The following CHN2 variants were observed in gnomAD, a reference collection of about 807,000 sequenced individuals.
CHN2 encodes the protein chimerin 2, also known as beta-chimaerin.
In CHN2, 35 loss-of-function variants were observed where a neutral mutation model predicts 56.3. The ratio of observed to expected loss-of-function variants is 0.62; its 90% confidence interval spans 0.47 to 0.82. CHN2 has a LOEUF of 0.82. CHN2 is among the 40% of genes least tolerant of loss of function. The probability of loss-of-function intolerance (pLI) is 0.00; values close to 1 mark genes in which losing one functional copy is unlikely to be tolerated. For missense variants in CHN2, 491 were observed against 580.5 expected (o/e 0.85, Z 1.58); for synonymous variants, 210 against 212.8 (o/e 0.99, Z 0.12).
chr7:29,293,857 ATTTTTTT>A (rs70980522), intron 1 of CHN2, among the ~76,000 whole-genome samples: 21 of 78,520 alleles, frequency 2.7e-4, no homozygotes, highest in Admixed American at 1.2e-3. Context: ...GAGGCTGGGA[ATTTTTTT>A]TTTTTTTTTT....
At chr7:29,212,467 C>T in intron 1 of CHN2, 3 of 1,593,230 alleles carry the variant, frequency 1.9e-6, no homozygotes, top group African/African-American at 1.3e-5. Flanking sequence ...CCTCTTCTTC[C>T]TCCATGGATC....
chr7:29,424,399 A>C (rs1371766580), intron 6 of CHN2, among the ~76,000 whole-genome samples: 8 of 152,066 alleles, frequency 5.3e-5, no homozygotes, highest in Non-Finnish European at 8.8e-5. Context: ...TTCAGCAGTG[A>C]TTTCAATATG....
intron 1 of CHN2, among the ~76,000 whole-genome samples, chr7:29,348,007 C>T (rs930351031): frequency 2.0e-5 from 3 of 151,952 alleles, no homozygotes; most frequent in African/African-American, 7.2e-5. Flanking sequence ...TTTTTTTTCC[C>T]CCTCAGGTTG....
At chr7:29,372,223 A>G (rs1474630436) in intron 3 of CHN2, among the ~76,000 whole-genome samples, 1 of 151,860 alleles carries the variant, frequency 6.6e-6, no homozygotes, top group Non-Finnish European at 1.5e-5. Flanking sequence ...AAAGAAAGAA[A>G]GAAAAAGAAA....
At chr7:29,481,756 A>AT (rs1169902797) in intron 7 of CHN2, among the ~76,000 whole-genome samples, 6 of 137,058 alleles carry the variant, frequency 4.4e-5, no homozygotes, top group East Asian at 4.3e-4. Context: ...GAAATCCTTG[A>AT]TTTTTTTGCA....
At chr7:29,344,304 CCTT>C (rs1248337184) in intron 1 of CHN2, among the ~76,000 whole-genome samples, 1 of 152,180 alleles carries the variant, frequency 6.6e-6, no homozygotes, top group Non-Finnish European at 1.5e-5. Flanking sequence ...CTGCAATGAT[CCTT>C]CTCAAATACA....
intron 7 of CHN2, among the ~76,000 whole-genome samples, chr7:29,486,531 C>T (rs1001443103): frequency 2.0e-5 from 3 of 152,064 alleles, no homozygotes; most frequent in Non-Finnish European, 4.4e-5. Flanking sequence ...TCCATGGGAG[C>T]GGGCGGGTAA....
intron 1 of CHN2, among the ~76,000 whole-genome samples, chr7:29,250,311 T>G (rs986031856): frequency 6.6e-6 from 1 of 152,238 alleles, no homozygotes; most frequent in Non-Finnish European, 1.5e-5. Context: ...GGAGATTCAT[T>G]GGATCAGAAG....
intron 6 of CHN2, among the ~76,000 whole-genome samples, chr7:29,440,670 A>G (rs1208596584): frequency 5.6e-5 from 8 of 144,026 alleles, no homozygotes; most frequent in African/African-American, 7.7e-5. Context: ...GGGCAACACA[A>G]TGAGACTCCG....
chr7:29,307,397 A>G (rs1195982252), intron 1 of CHN2, among the ~76,000 whole-genome samples: 1 of 152,234 alleles, frequency 6.6e-6, no homozygotes, highest in Non-Finnish European at 1.5e-5. Context: ...TCAATTTACA[A>G]GTAATGGTAT....
intron 4 of CHN2, among the ~76,000 whole-genome samples, chr7:29,395,892 A>G (rs912805143): frequency 1.1e-4 from 16 of 152,200 alleles, no homozygotes; most frequent in African/African-American, 3.6e-4. Flanking sequence ...CTTAAGTTCT[A>G]GGTGACTATA....
At chr7:29,327,183 A>G (rs1016595350) in intron 1 of CHN2, among the ~76,000 whole-genome samples, 1 of 152,216 alleles carries the variant, frequency 6.6e-6, no homozygotes, top group Non-Finnish European at 1.5e-5. Flanking sequence ...GGTGTATGAT[A>G]AAGGGCTTTG....
chr7:29,357,665 A>G (rs1798411762), intron 2 of CHN2, among the ~76,000 whole-genome samples: 1 of 152,178 alleles, frequency 6.6e-6, no homozygotes, highest in African/African-American at 2.4e-5. Flanking sequence ...CTACTCCTCT[A>G]TCTCCTGGGA....
intron 1 of CHN2, among the ~76,000 whole-genome samples, chr7:29,346,159 C>G (rs1452914636): frequency 1.3e-5 from 2 of 152,172 alleles, no homozygotes; most frequent in Non-Finnish European, 2.9e-5. Flanking sequence ...CAGGTAGTCT[C>G]GCAGCTCAGG....
At chr7:29,481,063 T>C (rs1228669005) in intron 7 of CHN2, among the ~76,000 whole-genome samples, 1 of 152,240 alleles carries the variant, frequency 6.6e-6, no homozygotes, top group Admixed American at 6.5e-5. Context: ...CAGAAAATTA[T>C]GGCCTGTTTC....
intron 1 of CHN2, among the ~76,000 whole-genome samples, chr7:29,342,545 C>A (rs1271221426): frequency 6.6e-6 from 1 of 152,104 alleles, no homozygotes; most frequent in Admixed American, 6.5e-5. Flanking sequence ...GACACAAATG[C>A]CCACAGTGAA....
At chr7:29,229,416 A>G (rs993386365) in intron 1 of CHN2, among the ~76,000 whole-genome samples, 5 of 152,212 alleles carry the variant, frequency 3.3e-5, no homozygotes, top group African/African-American at 1.2e-4. Flanking sequence ...GGAAAAAAAA[A>G]TCACTGATGA....
At chr7:29,363,657 G>A (rs1798911187) in intron 2 of CHN2, among the ~76,000 whole-genome samples, 2 of 152,298 alleles carry the variant, frequency 1.3e-5, no homozygotes, top group South Asian at 4.1e-4. Flanking sequence ...TTTATTAATT[G>A]TGTTAATGAT....
At chr7:29,188,153 G>T (rs1798953403) in intron 2 of CHN2, among the ~76,000 whole-genome samples, 1 of 152,160 alleles carries the variant, frequency 6.6e-6, no homozygotes, top group Non-Finnish European at 1.5e-5. Context: ...GCTATACTTT[G>T]CTCTAAGGAA....
Sources: allele counts gnomAD v4.1 joint callset (sites outside exome capture counted in the v4.1 genomes callset), GRCh38; gene constraint gnomAD v4.1.1; transcripts MANE v1.5; gene names NCBI Gene and HGNC (gene_info 2026-07-23, HGNC 2026-07-21).